DNAH17: variants seen among roughly 807,000 people sequenced by gnomAD.
DNAH17 encodes the protein axonemal beta dynein heavy chain 17.
DNAH17 carries 376 observed loss-of-function variants against 485.6 expected under a neutral mutation model. The observed-to-expected ratio is 0.77, with a 90% CI of 0.71 to 0.84. The LOEUF is 0.84. DNAH17 is among the 40% of genes least tolerant of loss of function. DNAH17 has a pLI of 0.00. For synonymous variants in DNAH17, 3,031 were observed against 2,405.9 expected, an observed-to-expected ratio of 1.26 and a Z score of -7.60; for missense variants, 6,370 against 5,839.3, an observed-to-expected ratio of 1.09 and a Z score of -2.96.
chr17:78,551,738 C>T (rs113234514), intron 15 of DNAH17, 100 bp from the exon 16 acceptor site: 26 of 1,131,402 alleles, frequency 2.3e-5, no homozygotes, highest in African/African-American at 1.4e-4. Flanking sequence ...TCAGGGCAGG[C>T]GAATCACGAG....
In DNAH17 at chr17:78,486,353, C is replaced by G; in HGVS notation, c.6972G>C (p.Thr2324=). ...GCAGGCACTCCAGCAGGTACAGAAT[C>G]GTTTGGATCACCGTGATCTCCGGCA... ...TPVPEITVIQ[T]ILYLLECLLT... The change falls in exon 45 of 81, where the codon ACG becomes ACC. Residue 2324 remains threonine, a synonymous_variant. Transcript: ENST00000389840. 1.2e-6 allele frequency: 2 copies of G among 1,613,772 alleles called. No individual in the cohort carries two copies. The highest frequency in any genetic ancestry group is 1.7e-6 in the Non-Finnish European group (2 of 1,179,820).
At chr17:78,547,119 T>C (rs1349996363) in intron 16 of DNAH17, among the ~76,000 whole-genome samples, 1 of 152,240 alleles carries the variant, frequency 6.6e-6, no homozygotes, top group African/African-American at 2.4e-5. Context: ...TTTATCTCTT[T>C]ATATACTTAC....
intron 17 of DNAH17, among the ~76,000 whole-genome samples, chr17:78,543,354 A>G (rs1230841533): frequency 6.7e-6 from 1 of 148,308 alleles, no homozygotes; most frequent in East Asian, 2.0e-4. Context: ...GCAGTGGCGC[A>G]ATCTTGGCTC....
At chr17:78,428,985 C>A in intron 76 of DNAH17, 136 bp downstream of exon 76, 1 of 862,906 alleles carries the variant, frequency 1.2e-6, no homozygotes, top group Non-Finnish European at 1.8e-6. Flanking sequence ...CCAAGTGAGA[C>A]GCATTTCTCA....
rs377601702 is a variant in DNAH17 at position 78,539,228 on chromosome 17, T to C, written c.2676+509A>G. On this transcript the variant is annotated intron_variant, in intron 18 of 80. Coordinates refer to ENST00000389840, the MANE Select transcript of DNAH17 (RefSeq NM_173628.4). ...CTGGGCAACAGAGCGGGACTCTGTC[T>C]CAAAAAAATAAAAAAATAAAATAAA... Among the ~76,000 whole-genome samples the C allele has an allele frequency of 5.3e-5, 8 of 151,818 alleles. No individual in the cohort carries two copies. The East Asian group carries it at 9.7e-4, about 18-fold the overall frequency.
At chr17:78,456,676 T>A (rs1422312680) in intron 62 of DNAH17, among the ~76,000 whole-genome samples, 1 of 152,214 alleles carries the variant, frequency 6.6e-6, no homozygotes, top group Non-Finnish European at 1.5e-5. Context: ...AGTGTTGGCA[T>A]GTTTGTTGCA....
At chr17:78,456,624 A>G (rs1568077535) in intron 62 of DNAH17, among the ~76,000 whole-genome samples, 1 of 152,176 alleles carries the variant, frequency 6.6e-6, no homozygotes, top group Non-Finnish European at 1.5e-5. Flanking sequence ...CACCATCTTG[A>G]GGACTGGTCC....
chr17:78,544,580 A>C (rs545391949), intron 16 of DNAH17, among the ~76,000 whole-genome samples: 5 of 152,190 alleles, frequency 3.3e-5, no homozygotes, highest in Admixed American at 2.6e-4. Context: ...AGGCAGGCGG[A>C]TCACGAGGTC....
At position 78,543,287 on chromosome 17, in the gene DNAH17, GTT is replaced by G. The variant is rs56885468; in HGVS notation, c.2532+568_2532+569del. 2.5e-4 allele frequency among the ~76,000 whole-genome samples: 35 copies of G among 139,252 alleles called. 1 individual carries two copies. Among genetic ancestry groups the G allele is most frequent in the East Asian group, 4.3e-4 (2 of 4,682 alleles). The allele number at this position is 139,252 out of a possible 152,430, so 91.4% of individuals were successfully genotyped here. A position where few individuals can be genotyped will look rare whatever the true frequency, so the allele number is the denominator to read the frequency against. ...GTGCCAACGTGCCCGGTTAATTTTT[GTT>G]TTTTTTTTTTTTGAGACGGAGTCTC... On this transcript the variant is annotated intron_variant, in intron 17 of 80. Coordinates refer to ENST00000389840, the MANE Select transcript of DNAH17 (RefSeq NM_173628.4).
At chr17:78,450,112 T>A (rs2087481486) in intron 68 of DNAH17, 142 bp downstream of exon 68, 1 of 1,003,388 alleles carries the variant, frequency 1.0e-6, no homozygotes, top group Admixed American at 2.6e-5. Context: ...CTCTTCCAGC[T>A]CCATCTGCAG....
chr17:78,436,993 C>A (rs1486798261), intron 74 of DNAH17, among the ~76,000 whole-genome samples: 1 of 152,122 alleles, frequency 6.6e-6, no homozygotes, highest in East Asian at 1.9e-4. Flanking sequence ...GGGATCCCAG[C>A]CAAGGAGGGT....
rs763243487 is a variant in DNAH17, at chr17:78,502,930, C to T, written c.5038G>A (p.Glu1680Lys). The T allele has an allele frequency of 1.7e-5, 27 of 1,613,882 alleles. No homozygotes were observed. The highest frequency in any genetic ancestry group is 2.2e-5 in the Non-Finnish European group (26 of 1,179,948). ...HEIPEAVVTY[E>K]EKPREQWILD... ...ATCCACTGCTCCCTCGGCTTCTCTT[C>T]GTAGGTCACCACGGCCTCTGGGATT... Residue 1680 changes from glutamate to lysine, a missense_variant, in exon 32 of 81, where the codon GAA becomes AAA. By Grantham distance (56) the Glu-to-Lys change is moderately conservative (BLOSUM62 1). Transcript: ENST00000389840.
At chr17:78,449,916 TC>T in intron 68 of DNAH17, 1 of 433,232 alleles carries the variant, frequency 2.3e-6, no homozygotes, top group Non-Finnish European at 4.2e-6. Context: ...CCTCAGGTGA[TC>T]CACCCGCCTC....
rs555597908 is a variant in DNAH17, at chr17:78,439,464, C to T, written c.11678-247G>A. Among the ~76,000 whole-genome samples the T allele has an allele frequency of 2.5e-4, 38 of 152,202 alleles. No homozygotes were observed. The South Asian group carries it at 3.1e-3, about 12-fold the overall frequency. ...ACATTGTCATGGCCCAAGAGGTGGT[C>T]CCCATACCCATTAGGCAGTCGCTCC... On this transcript the variant is annotated intron_variant, in intron 72 of 80. Transcript: ENST00000389840.
chr17:78,483,114 C>G (rs2089423348), intron 48 of DNAH17, among the ~76,000 whole-genome samples: 1 of 148,628 alleles, frequency 6.7e-6, no homozygotes, highest in Non-Finnish European at 1.5e-5. Flanking sequence ...CTCAAATCTC[C>G]CACCCCACAC....
At chr17:78,559,297 G>C (rs12936377) in intron 13 of DNAH17, among the ~76,000 whole-genome samples, 1 of 152,190 alleles carries the variant, frequency 6.6e-6, no homozygotes, top group Non-Finnish European at 1.5e-5. Flanking sequence ...GGATGTCCAG[G>C]TGACATCTCA....
In DNAH17 at chr17:78,571,367, G is replaced by T; in HGVS notation, c.744C>A (p.Pro248=). ...GGATCTCAACAATCTTGTTCACTTT[G>T]GGTCTGTTTAGCTGAGAAGGGGAGT... ...LKCIHEQLNR[P]KVNKIVEILE... The change falls in exon 5 of 81, where the codon CCC becomes CCA. Residue 248 remains proline (P), a synonymous_variant. Transcript: ENST00000389840. 1.2e-6 allele frequency: 2 copies of T among 1,613,644 alleles called. No individual in the cohort carries two copies. Among genetic ancestry groups the T allele is most frequent in the East Asian group, 4.5e-5 (2 of 44,882 alleles).
chr17:78,566,977 C>A, intron 10 of DNAH17, 22 bp downstream of exon 10: 1 of 1,597,056 alleles, frequency 6.3e-7, no homozygotes, highest in Non-Finnish European at 8.5e-7. Flanking sequence ...TCCAGTTCAT[C>A]CAACCCTGCC....
intron 25 of DNAH17, 74 bp from the exon 26 acceptor site, chr17:78,515,096 C>A (rs562533330): frequency 1.9e-6 from 3 of 1,558,432 alleles, no homozygotes; most frequent in African/African-American, 1.4e-5. Flanking sequence ...TCTTACCTTT[C>A]TGCACTTACT....
Sources: gnomAD v4.1 joint callset for allele counts (sites outside exome capture counted in the v4.1 genomes callset) on GRCh38, gnomAD v4.1.1 for gene constraint, MANE v1.5 for transcripts, NCBI Gene and HGNC (gene_info 2026-07-23, HGNC 2026-07-21) for gene names.